The following EP300 variants were observed in gnomAD, a reference collection of about 807,000 sequenced individuals.
The protein encoded by EP300 is histone acetyltransferase p300.
Under a neutral mutation model 264.0 loss-of-function variants are expected in EP300, and 31 were observed. The ratio of observed to expected loss-of-function variants is 0.12; its 90% CI spans 0.09 to 0.16. EP300 has a LOEUF of 0.16. Among genes scored for constraint, EP300 ranks in the 10% least tolerant of loss-of-function variants. EP300 has a pLI of 1.00. For missense variants in EP300, 2,766 were observed against 3,052.9 expected (o/e 0.91, Z 2.21); for synonymous variants, 1,340 against 1,045.4 (o/e 1.28, Z -5.44).
rs1054046196 is a variant in EP300 at position 41,127,817 on chromosome 22, C to A, written c.1168+69C>A. The A allele has an allele frequency of 1.3e-5, 20 of 1,591,238 alleles. No individual in the cohort carries two copies. The African/African-American group carries it at 2.3e-4, about 18-fold the overall frequency. ...CCAGGGAGAAGAAGGAAAATGTGAT[C>A]AAGTCTATTTTGTGGTGATGGATAT... On this transcript the variant is annotated intron_variant, in intron 4 of 30. Coordinates refer to ENST00000263253, the MANE Select transcript of EP300 (RefSeq NM_001429.4).
chr22:41,109,592 G>A (rs1188669172), intron 1 of EP300, among the ~76,000 whole-genome samples: 1 of 152,120 alleles, frequency 6.6e-6, no homozygotes, highest in Non-Finnish European at 1.5e-5. Context: ...TGTTTATAGT[G>A]CTTAGTGTGT....
rs20554 is a variant in EP300 at position 41,157,255 on chromosome 22, G to C, written c.3348G>C (p.Gln1116His). ...LDTGQYQEPW[Q>H]YVDDIWLMFN... is the part of the protein sequence containing the mutation. ...CTGGACAGTATCAGGAGCCCTGGCA[G>C]TATGTCGATGATATTTGGCTTATGT... The change falls in exon 18 of 31, where the codon CAG becomes CAC. Residue 1116 changes from glutamine to histidine, a missense_variant. Physicochemically the swap from Gln to His is conservative, Grantham distance 24 (BLOSUM62 0). Transcript: ENST00000263253. The C allele has an allele frequency of 1.2e-6, 2 of 1,614,118 alleles. No homozygotes were observed.
chr22:41,104,421 C>T (rs1247955167), intron 1 of EP300, among the ~76,000 whole-genome samples: 2 of 152,086 alleles, frequency 1.3e-5, no homozygotes, highest in African/African-American at 4.8e-5. Flanking sequence ...TCCCAAGTAG[C>T]TGGGATTACA....
At chr22:41,137,578 C>G in intron 7 of EP300, 75 bp from the exon 8 acceptor site, 2 of 1,576,602 alleles carry the variant, frequency 1.3e-6, no homozygotes, top group South Asian at 2.2e-5. Context: ...TTACAATAAT[C>G]AGTGTCAGCT....
rs757931697 is a variant in EP300 at position 41,154,980 on chromosome 22, CT to C, written c.3143-4del. On this transcript the variant is annotated splice_polypyrimidine_tract_variant and intron_variant, in intron 16 of 30. Coordinates refer to ENST00000263253, the MANE Select transcript of EP300 (RefSeq NM_001429.4). ...TAATTGGTAACTAATTTCAAATGCA[CT>C]TTTTTTTTTTAAGTTTTCAAACCAG... is the stretch of plus-strand genomic sequence containing the variant. 0.012 allele frequency: 13,211 copies of C among 1,125,924 alleles called. 1 individual carries two copies. The highest frequency in any genetic ancestry group is 0.014 in the Non-Finnish European group (11,128 of 802,618). 69.7% of individuals were successfully genotyped at this position (1,125,924 alleles called of 1,614,324 possible). A position where few individuals can be genotyped will look rare whatever the true frequency, so the allele number is the denominator to read the frequency against.
chr22:41,152,319 A>G lies in EP300; in HGVS notation c.3111A>G (p.Ser1037=). 1.2e-6 allele frequency: 2 copies of G among 1,614,102 alleles called. No homozygotes were observed. The highest frequency in any genetic ancestry group is 2.2e-5 in the South Asian group (2 of 91,068). The change falls in exon 16 of 31, where the codon TCA becomes TCG. Residue 1037 remains serine (S), a synonymous_variant. Transcript: ENST00000263253. The part of the protein sequence containing the change: ...EDQPSTSATQ[S]SPAPGQSKKK... ...AGCCAAGTACTTCAGCTACCCAGTCATCTCCGGCTCCAGGACAGTCAAAGA... is the reference window on the plus strand; with the variant it reads ...AGCCAAGTACTTCAGCTACCCAGTCGTCTCCGGCTCCAGGACAGTCAAAGA...
At chr22:41,170,709 TG>T in intron 27 of EP300, 138 bp downstream of exon 27, 1 of 939,436 alleles carries the variant, frequency 1.1e-6, no homozygotes, top group South Asian at 1.6e-5. Context: ...TCACGCAGGC[TG>T]GAGTGCAGTG....
chr22:41,157,749 G>A (rs946016385), intron 18 of EP300, among the ~76,000 whole-genome samples: 9 of 151,978 alleles, frequency 5.9e-5, no homozygotes, highest in African/African-American at 2.2e-4. Context: ...TTGAACTCCT[G>A]GGCTCAAGCA....
chr22:41,154,338 G>C (rs1253459720), intron 16 of EP300, among the ~76,000 whole-genome samples: 3 of 141,710 alleles, frequency 2.1e-5, no homozygotes, highest in African/African-American at 7.8e-5. Flanking sequence ...GTTCTTGCTT[G>C]ACTGCATCTC....
At chr22:41,118,689 C>T (rs1037670057) in intron 2 of EP300, among the ~76,000 whole-genome samples, 4 of 152,152 alleles carry the variant, frequency 2.6e-5, no homozygotes, top group Admixed American at 1.3e-4. Flanking sequence ...GGTGCAGTGG[C>T]TCATGCCTGT....
At chr22:41,148,919 C>T (rs1270554304) in intron 12 of EP300, 119 bp from the exon 13 acceptor site, 40 of 1,370,986 alleles carry the variant, frequency 2.9e-5, no homozygotes, top group Non-Finnish European at 4.0e-5. Flanking sequence ...CACCTATACT[C>T]CTGTCTTTGG....
chr22:41,140,032 C>A, intron 8 of EP300, 108 bp from the exon 9 acceptor site: 1 of 805,086 alleles, frequency 1.2e-6, no homozygotes, highest in Non-Finnish European at 2.2e-6. Flanking sequence ...ATATATATCA[C>A]CTTGCCATTA....
chr22:41,094,433 A>ATCTTAT (rs1463075896), intron 1 of EP300, among the ~76,000 whole-genome samples: 1 of 152,230 alleles, frequency 6.6e-6, no homozygotes, highest in African/African-American at 2.4e-5. Context: ...AAGATGTGAA[A>ATCTTAT]TGAATTTAAG....
rs2145772032 is a variant in EP300 at position 41,173,694 on chromosome 22, G to A, written c.4689G>A (p.Leu1563=). The A allele has an allele frequency of 5.6e-6, 9 of 1,614,208 alleles. No homozygotes were observed. The highest frequency in any genetic ancestry group is 7.6e-6 in the Non-Finnish European group (9 of 1,180,044). ...NKKTSKNKSS[L]SRGNKKKPGM... The stretch of plus-strand genomic sequence containing the variant: ...AAACCAGCAAAAATAAGAGCAGCCT[G>A]AGTAGGGGCAACAAGAAGAAACCCG... Residue 1563 remains leucine, a synonymous_variant, in exon 29 of 31, where the codon CTG becomes CTA. Transcript: ENST00000263253.
At chr22:41,105,649 G>A (rs2267425) in intron 1 of EP300, among the ~76,000 whole-genome samples, 2 of 151,730 alleles carry the variant, frequency 1.3e-5, no homozygotes, top group Non-Finnish European at 2.9e-5. Context: ...CACCCACCTC[G>A]GCCTCCCAAA....
At chr22:41,106,850 C>T (rs970845711) in intron 1 of EP300, among the ~76,000 whole-genome samples, 4 of 152,124 alleles carry the variant, frequency 2.6e-5, no homozygotes, top group South Asian at 2.1e-4. Context: ...GCCTTGGCCT[C>T]CCAAAGTGCC....
At chr22:41,167,292 C>A (rs1601631561) in intron 23 of EP300, among the ~76,000 whole-genome samples, 1 of 151,836 alleles carries the variant, frequency 6.6e-6, no homozygotes, top group Non-Finnish European at 1.5e-5. Context: ...CCACCATGCC[C>A]AACCCCTCAG....
Position 41,117,323 on chromosome 22 carries a change from A to G in EP300, c.231A>G (p.Lys77=), listed in dbSNP as rs752625922. The G allele has an allele frequency of 7.7e-5, 124 of 1,614,116 alleles. No individual in the cohort carries two copies. In the South Asian group the frequency reaches 1.2e-3, roughly 16 times the overall value. The part of the protein sequence containing the change: ...SLGMVQDAAS[K]HKQLSELLRS... Reference sequence around the variant, plus strand: ...GCATGGTACAAGATGCAGCTTCTAAACATAAACAGCTGTCAGAATTGCTGC... The same window carrying G: ...GCATGGTACAAGATGCAGCTTCTAAGCATAAACAGCTGTCAGAATTGCTGC... Residue 77 remains lysine (K), a synonymous_variant, in exon 2 of 31, where the codon AAA becomes AAG. Transcript: ENST00000263253.
In EP300 at chr22:41,127,347, G is replaced by A. The variant is rs2145709778; in HGVS notation, c.907-140G>A. 4 of 1,038,380 alleles carry A rather than the reference G, an allele frequency of 3.9e-6. No individual in the cohort carries two copies. In the South Asian group the frequency reaches 5.5e-5, roughly 14 times the overall value. The allele number at this position is 1,038,380 out of a possible 1,614,324, so 64.3% of individuals were successfully genotyped here. ...CTTAAAGGTAGGAGCCATGGTTTAT[G>A]CATTCCCTGTGTCAAAAAATGGAGT... On this transcript the variant is annotated intron_variant, in intron 3 of 30. Coordinates refer to ENST00000263253, the MANE Select transcript of EP300 (RefSeq NM_001429.4).
Sources: allele counts gnomAD v4.1 joint callset (sites outside exome capture counted in the v4.1 genomes callset), GRCh38; gene constraint gnomAD v4.1.1; transcripts MANE v1.5; gene names NCBI Gene and HGNC (gene_info 2026-07-23, HGNC 2026-07-21).